The following PRKD3 variants were observed in gnomAD, a reference collection of about 807,000 sequenced individuals.
The protein encoded by PRKD3 is protein kinase D3, also known as serine/threonine-protein kinase D3.
In PRKD3, 47 loss-of-function variants were observed where a neutral mutation model predicts 99.2. The observed-to-expected ratio is 0.47, with a 90% confidence interval of 0.38 to 0.60. PRKD3 has a LOEUF of 0.60. Among genes scored for constraint, PRKD3 ranks in the 20% least tolerant of loss-of-function variants. The pLI, the probability that PRKD3 is intolerant of heterozygous loss-of-function variation, is 0.00. For synonymous variants in PRKD3, 392 were observed against 355.4 expected, an observed-to-expected ratio of 1.10 and a Z score of -1.16; for missense variants, 1,019 against 1,088.4, an observed-to-expected ratio of 0.94 and a Z score of 0.90.
At chr2:37,257,877 G>T (rs972650174) in intron 16 of PRKD3, among the ~76,000 whole-genome samples, 9 of 152,062 alleles carry the variant, frequency 5.9e-5, no homozygotes, top group African/African-American at 2.2e-4. Flanking sequence ...TATCACTGTG[G>T]AACAAATTAT....
chr2:37,290,704 T>C (rs1323284544), intron 4 of PRKD3, among the ~76,000 whole-genome samples, 164 bp downstream of exon 4: 2 of 152,314 alleles, frequency 1.3e-5, no homozygotes, highest in Non-Finnish European at 2.9e-5. Context: ...TGCCCAAGAA[T>C]ATGAAGTAGG....
At chr2:37,306,780 G>A (rs1671189356) in intron 2 of PRKD3, among the ~76,000 whole-genome samples, 1 of 152,202 alleles carries the variant, frequency 6.6e-6, no homozygotes, top group South Asian at 2.1e-4. Flanking sequence ...TTGCACCCCA[G>A]CCTGGGTGAC....
intron 9 of PRKD3, among the ~76,000 whole-genome samples, chr2:37,277,652 T>C (rs1055068229): frequency 2.0e-5 from 3 of 152,352 alleles, no homozygotes; most frequent in Non-Finnish European, 4.4e-5. Flanking sequence ...GAATATTGAC[T>C]GCTCTACCAG....
At chr2:37,268,308 A>T in intron 13 of PRKD3, 1 of 471,106 alleles carries the variant, frequency 2.1e-6, no homozygotes, top group Non-Finnish European at 4.4e-6. Context: ...TACCTCGGAC[A>T]GTTCTTTGTT....
rs114676115 is a variant in PRKD3 at position 37,307,158 on chromosome 2, A to T, written c.288+9079T>A. ...CCAAAAACGTCTCCAGACATTGCCAAATGTTCCCAGGGGGTCAAAATCTCA... is the reference window on the plus strand; with the variant it reads ...CCAAAAACGTCTCCAGACATTGCCATATGTTCCCAGGGGGTCAAAATCTCA... On this transcript the variant is annotated intron_variant, in intron 2 of 18. Coordinates refer to ENST00000234179, the MANE Select transcript of PRKD3 (RefSeq NM_005813.6). 3.9e-5 allele frequency among the ~76,000 whole-genome samples: 6 copies of T among 152,310 alleles called. No individual in the cohort carries two copies. The East Asian group carries it at 1.2e-3, about 29-fold the overall frequency.
chr2:37,287,230 C>CAAAAAAAAAAAAAAAAAAAAA lies in PRKD3; in HGVS notation c.718-882_718-862dup, dbSNP rs754092348. Among the ~76,000 whole-genome samples the CAAAAAAAAAAAAAAAAAAAAA allele has an allele frequency of 5.6e-5, 3 of 53,658 alleles. 1 individual carries two copies. Among genetic ancestry groups the CAAAAAAAAAAAAAAAAAAAAA allele is most frequent in the African/African-American group, 9.5e-5 (1 of 10,536 alleles). The allele number at this position is 53,658 out of a possible 152,430, so 35.2% of individuals were successfully genotyped here. On this transcript the variant is annotated intron_variant, in intron 5 of 18. Transcript: ENST00000234179. ...GGGCAACAAGAGCGAAACTCCATCT[C>CAAAAAAAAAAAAAAAAAAAAA]AAAAAAAAAAAAAAAAAAAAAAAAA...
At chr2:37,253,649 T>C (rs770445452) in intron 18 of PRKD3, among the ~76,000 whole-genome samples, 3 of 152,218 alleles carry the variant, frequency 2.0e-5, no homozygotes, top group Non-Finnish European at 2.9e-5. Context: ...TTTTGTTCTA[T>C]ACAACGTGAG....
chr2:37,316,515 T>A lies in PRKD3; in HGVS notation c.10A>T (p.Asn4Tyr). The A allele has an allele frequency of 6.2e-7, 1 of 1,612,906 alleles. No homozygotes were observed. Among genetic ancestry groups the A allele is most frequent in the Non-Finnish European group, 8.5e-7 (1 of 1,179,220 alleles). The change falls in exon 2 of 19, where the codon AAT becomes TAT. Residue 4 changes from asparagine (N) to tyrosine (Y), a missense_variant. By Grantham distance (143) the Asn-to-Tyr change is moderately radical. This residue lies in a region of PRKD3 where 710 missense variants were observed against 692.7 expected (regional missense o/e 1.02). Transcript: ENST00000234179. MSA[N>Y]NSPPSAQKSV... is the part of the protein sequence containing the mutation. ...TTCTGGGCTGATGGAGGGGAATTAT[T>A]TGCAGACATCTGCCTTTCTTTAATC...
At chr2:37,275,011 C>A (rs548166454) in intron 10 of PRKD3, among the ~76,000 whole-genome samples, 1 of 152,270 alleles carries the variant, frequency 6.6e-6, no homozygotes, top group African/African-American at 2.4e-5. Context: ...ATTAATTCAG[C>A]TTCACAACTA....
chr2:37,277,348 CTT>C (rs1348052368), intron 9 of PRKD3, among the ~76,000 whole-genome samples: 3 of 152,128 alleles, frequency 2.0e-5, no homozygotes, highest in Non-Finnish European at 4.4e-5. Context: ...GTTACAGAGA[CTT>C]AGGCAGTCTA....
intron 1 of PRKD3, among the ~76,000 whole-genome samples, chr2:37,322,036 A>G (rs1671906336): frequency 6.6e-6 from 1 of 151,252 alleles, no homozygotes; most frequent in African/African-American, 2.4e-5. Context: ...AGAGTTTTCC[A>G]GGTTCAACTT....
chr2:37,306,904 G>A (rs1415876274), intron 2 of PRKD3, among the ~76,000 whole-genome samples: 1 of 152,338 alleles, frequency 6.6e-6, no homozygotes, highest in Middle Eastern at 3.4e-3. Flanking sequence ...CTAGGAGACA[G>A]TCATATTCCC....
chr2:37,266,054 T>G (rs532734257), intron 14 of PRKD3, among the ~76,000 whole-genome samples: 9 of 152,322 alleles, frequency 5.9e-5, no homozygotes, highest in African/African-American at 2.2e-4. Flanking sequence ...ACTATTCATA[T>G]TCAACAGAGT....
chr2:37,300,407 T>C (rs1168226106), intron 2 of PRKD3, among the ~76,000 whole-genome samples: 1 of 152,088 alleles, frequency 6.6e-6, no homozygotes, highest in East Asian at 1.9e-4. Flanking sequence ...AAAGGGTTGG[T>C]TAATGATTAC....
At chr2:37,275,724 C>T (rs1315971804) in intron 10 of PRKD3, 43 bp downstream of exon 10, 3 of 1,525,568 alleles carry the variant, frequency 2.0e-6, no homozygotes, top group South Asian at 1.3e-5. Flanking sequence ...AAAAAACATA[C>T]ACTATCTTAA....
In PRKD3 at chr2:37,251,024, A is replaced by G. The variant is rs1234716558; in HGVS notation, c.*2153T>C. 1 of 152,578 alleles carries G rather than the reference A, an allele frequency of 6.6e-6. No homozygotes were observed. Among genetic ancestry groups the G allele is most frequent in the Non-Finnish European group, 1.5e-5 (1 of 68,016 alleles). The allele number at this position is 152,578 out of a possible 1,614,324, so 9.5% of individuals were successfully genotyped here. A position where few individuals can be genotyped will look rare whatever the true frequency, so the allele number is the denominator to read the frequency against. The stretch of plus-strand genomic sequence containing the variant: ...ATTTCATGGCTTGTAAAGTTTGACT[A>G]TGTAAGTATAGCAAACAAACATCGT... On this transcript the variant is annotated 3_prime_UTR_variant, in exon 19 of 19. Transcript: ENST00000234179.
intron 5 of PRKD3, among the ~76,000 whole-genome samples, chr2:37,287,258 AAAAAAAAAAG>A (rs1670153830): frequency 1.5e-5 from 2 of 130,988 alleles, no homozygotes; most frequent in African/African-American, 6.1e-5. Context: ...AAAAAAAAAA[AAAAAAAAAAG>A]AAAAAGAAAA....
chr2:37,306,002 G>A (rs891713993), intron 2 of PRKD3, among the ~76,000 whole-genome samples: 1 of 151,756 alleles, frequency 6.6e-6, no homozygotes, highest in East Asian at 1.9e-4. Context: ...TACAACCCAG[G>A]TGTCTCTCCT....
chr2:37,286,273 G>A lies in PRKD3; in HGVS notation c.814C>T (p.His272Tyr). 6.2e-7 allele frequency: 1 copy of A among 1,614,006 alleles called. No individual in the cohort carries two copies. Among genetic ancestry groups the A allele is most frequent in the Non-Finnish European group, 8.5e-7 (1 of 1,179,884 alleles). The change falls in exon 6 of 19, where the codon CAC becomes TAC. Residue 272 changes from histidine (H) to tyrosine (Y), a missense_variant. Physicochemically the swap from His to Tyr is moderately conservative, Grantham distance 83. Transcript: ENST00000234179. ...GTGTAAGAGTGAACAGCAAATGTGT[G>A]TGGAACTTTCACTCTGCACATTACC... ...KMVMCRVKVPHTFAVHSYTRP... is the reference protein window; with the variant it reads ...KMVMCRVKVPYTFAVHSYTRP...
Sources: gnomAD v4.1 joint callset for allele counts (sites outside exome capture counted in the v4.1 genomes callset) on GRCh38, gnomAD v4.1.1 for gene constraint, gnomAD v4.1.1 regional missense constraint, MANE v1.5 for transcripts, NCBI Gene and HGNC (gene_info 2026-07-23, HGNC 2026-07-21) for gene names.